Variants in CPZ observed in about 807,000 individuals in gnomAD.
CPZ encodes the protein carboxypeptidase Z.
CPZ carries 103 observed loss-of-function variants against 61.8 expected under a neutral mutation model. The ratio of observed to expected loss-of-function variants is 1.67; its 90% CI spans 1.42 to 1.96. The LOEUF is 1.96. Among genes scored for constraint, CPZ ranks in the 30% most tolerant of loss-of-function variants. CPZ has a pLI of 0.00. For missense variants in CPZ, 1,461 were observed against 914.9 expected, an observed-to-expected ratio of 1.60 and a Z score of -7.70; for synonymous variants, 551 against 373.7, an observed-to-expected ratio of 1.47 and a Z score of -5.47.
chr4:8,608,126 GCCCCAGCCTCCAGCCCCCAGC>G (rs1214943936), intron 7 of CPZ, among the ~76,000 whole-genome samples: 4 of 125,644 alleles, frequency 3.2e-5, no homozygotes, highest in Non-Finnish European at 5.0e-5. Context: ...TCTGAGGTGG[GCCCCAGCCTCCAGCCCCCAGC>G]CCCCAGCCCC....
At chr4:8,610,570 C>T (rs540027101) in intron 7 of CPZ, among the ~76,000 whole-genome samples, 36 of 152,276 alleles carry the variant, frequency 2.4e-4, no homozygotes, top group South Asian at 6.2e-4. Flanking sequence ...GTCAAGCTGA[C>T]GGATAAAGGC....
intron 7 of CPZ, 100 bp from the exon 8 acceptor site, chr4:8,611,927 T>C: frequency 4.6e-6 from 7 of 1,527,514 alleles, no homozygotes; most frequent in Non-Finnish European, 6.3e-6. Context: ...CTATCTGCAA[T>C]GCAGGTGTTT....
chr4:8,619,502 A>AGCCCG lies in CPZ; in HGVS notation c.1845_1849dup (p.Asp617GlyfsTer27), dbSNP rs1560307196. The stretch of plus-strand genomic sequence containing the variant: ...GCCAGCTCTTTGGGGGAGGCCACGG[A>AGCCCG]GCCCGACCCGCTCCGGGCGCGCAGG... On this transcript the variant is annotated frameshift_variant, in exon 11 of 11. Transcript: ENST00000360986. LOFTEE classifies it low-confidence loss of function (END_TRUNC). 2 of 1,604,396 alleles carry AGCCCG rather than the reference A, an allele frequency of 1.2e-6. No homozygotes were observed. The highest frequency in any genetic ancestry group is 1.7e-6 in the Non-Finnish European group (2 of 1,173,886).
chr4:8,608,423 T>G (rs1715239323), intron 7 of CPZ, among the ~76,000 whole-genome samples: 1 of 152,146 alleles, frequency 6.6e-6, no homozygotes, highest in Non-Finnish European at 1.5e-5. Context: ...TCGTTTGTTC[T>G]CCTTTCTGAG....
chr4:8,608,403 C>T (rs1017736628), intron 7 of CPZ, among the ~76,000 whole-genome samples: 3 of 152,192 alleles, frequency 2.0e-5, no homozygotes, highest in African/African-American at 2.4e-5. Flanking sequence ...CTCATAACAG[C>T]AGTCACACAT....
At chr4:8,610,093 T>C (rs766689488) in intron 7 of CPZ, among the ~76,000 whole-genome samples, 1 of 152,332 alleles carries the variant, frequency 6.6e-6, no homozygotes, top group African/African-American at 2.4e-5. Context: ...GCTGTGGGAA[T>C]GAGCATAGCC....
chr4:8,609,544 C>T (rs931008455), intron 7 of CPZ, among the ~76,000 whole-genome samples: 40 of 137,920 alleles, frequency 2.9e-4, no homozygotes, highest in Non-Finnish European at 4.9e-4. Flanking sequence ...GCCTCCACTT[C>T]TGGCCTGGCC....
Position 8,619,464 on chromosome 4 carries a change from C to A in CPZ, c.1806C>A (p.Asp602Glu), listed in dbSNP as rs1334745527. Reference protein sequence around the residue: ...IHGLRRTGPHDPLGGASSLGE... With the variant: ...IHGLRRTGPHEPLGGASSLGE... Reference sequence around the variant, plus strand: ...GGCTGCGGAGGACTGGGCCCCACGACCCACTGGGAGGTGCCAGCTCTTTGG... The same window carrying A: ...GGCTGCGGAGGACTGGGCCCCACGAACCACTGGGAGGTGCCAGCTCTTTGG... The change falls in exon 11 of 11, where the codon GAC becomes GAA. Residue 602 changes from aspartate to glutamate, a missense_variant. Physicochemically the swap from Asp to Glu is conservative, Grantham distance 45. Coordinates refer to ENST00000360986, the MANE Select transcript of CPZ (RefSeq NM_001014447.3). 5 of 1,611,526 alleles carry A rather than the reference C, an allele frequency of 3.1e-6. No homozygotes were observed. The highest frequency in any genetic ancestry group is 4.2e-6 in the Non-Finnish European group (5 of 1,178,474).
chr4:8,617,508 G>A lies in CPZ; in HGVS notation c.1504-921G>A, dbSNP rs62288590. On this transcript the variant is annotated intron_variant, in intron 9 of 10. Coordinates refer to ENST00000360986, the MANE Select transcript of CPZ (RefSeq NM_001014447.3). ...AAAATTATACAACAGTCGACATAAA[G>A]ATGAATATATAGGAAAACAGTCTCT... is the stretch of plus-strand genomic sequence containing the variant. Among the ~76,000 whole-genome samples the A allele has an allele frequency of 2.5e-3, 374 of 152,326 alleles. 4 individuals carry two copies. Among genetic ancestry groups the A allele is most frequent in the African/African-American group, 8.7e-3 (360 of 41,566 alleles).
chr4:8,602,797 G>A (rs3822200), intron 3 of CPZ: 20,709 of 152,450 alleles, frequency 0.14, 1,895 homozygotes, highest in Non-Finnish European at 0.2. Context: ...GCAAGCCCTG[G>A]GTTCCGGGCT....
chr4:8,612,118 G>A lies in CPZ; in HGVS notation c.1319G>A (p.Arg440Lys), dbSNP rs1182394393. 3 of 1,611,070 alleles carry A rather than the reference G, an allele frequency of 1.9e-6. No homozygotes were observed. The highest frequency in any genetic ancestry group is 1.1e-5 in the South Asian group (1 of 90,764). Reference sequence around the variant, plus strand: ...AGGTGTGGAGGCAATTTCCTGAAGAGGGGGAGCATCATCAACGGGGCGGAC... The same window carrying A: ...AGGTGTGGAGGCAATTTCCTGAAGAAGGGGAGCATCATCAACGGGGCGGAC... The part of the protein sequence containing the change: ...ENRCGGNFLK[R>K]GSIINGADWY... Residue 440 changes from arginine to lysine, a missense_variant, in exon 8 of 11, where the codon AGG becomes AAG. Arg to Lys is a conservative substitution (Grantham distance 26, BLOSUM62 2). Transcript: ENST00000360986.
chr4:8,611,129 C>A, intron 7 of CPZ: 1 of 428,212 alleles, frequency 2.3e-6, no homozygotes, highest in Non-Finnish European at 4.9e-6. Context: ...TGCCTGTCCA[C>A]CCTCTAGTGT....
rs148168005 is a variant in CPZ, at chr4:8,601,749, G to A, written c.496+252G>A. ...TAGCAGAAGTCTCCAGCCCCTTAGA[G>A]GCAGGCTGGGGTGGAAGGGTGCTGA... is the stretch of plus-strand genomic sequence containing the variant. On this transcript the variant is annotated intron_variant, in intron 3 of 10. Transcript: ENST00000360986. Among the ~76,000 whole-genome samples, 453 of 152,328 alleles carry A rather than the reference G, an allele frequency of 3.0e-3. 3 individuals are homozygous for A. In the South Asian group the frequency reaches 0.039, roughly 13 times the overall value.
At chr4:8,609,841 G>C (rs1004437638) in intron 7 of CPZ, among the ~76,000 whole-genome samples, 4 of 152,200 alleles carry the variant, frequency 2.6e-5, no homozygotes, top group East Asian at 1.9e-4. Flanking sequence ...TGGAAACCAG[G>C]GTCCCAGGAG....
chr4:8,606,992 A>T, intron 6 of CPZ, 94 bp downstream of exon 6: 5 of 1,413,324 alleles, frequency 3.5e-6, no homozygotes, highest in Non-Finnish European at 4.7e-6. Context: ...CCCTGGGGAC[A>T]GGAGAGCCTG....
intron 7 of CPZ, among the ~76,000 whole-genome samples, chr4:8,607,654 C>T (rs1715152473): frequency 1.3e-5 from 2 of 152,222 alleles, no homozygotes; most frequent in South Asian, 2.1e-4. Context: ...AGGCTGGCTG[C>T]ACTGTCTTTC....
At chr4:8,608,705 C>A (rs1715264626) in intron 7 of CPZ, among the ~76,000 whole-genome samples, 1 of 151,958 alleles carries the variant, frequency 6.6e-6, no homozygotes, top group Non-Finnish European at 1.5e-5. Context: ...CCAGCCTGGT[C>A]TGGGACTTCA....
intron 7 of CPZ, among the ~76,000 whole-genome samples, chr4:8,611,011 C>T (rs1003282133): frequency 1.4e-4 from 16 of 115,382 alleles, no homozygotes; most frequent in African/African-American, 5.3e-4. Flanking sequence ...CATTCACTCA[C>T]TCATTCACTC....
intron 8 of CPZ, 116 bp from the exon 9 acceptor site, chr4:8,614,243 T>C: frequency 7.1e-7 from 1 of 1,410,720 alleles, no homozygotes; most frequent in Non-Finnish European, 9.5e-7. Flanking sequence ...CCCGGCTGTC[T>C]CTGCGCGGCT....
Sources: gnomAD v4.1 joint callset for allele counts (sites outside exome capture counted in the v4.1 genomes callset) on GRCh38, gnomAD v4.1.1 for gene constraint, MANE v1.5 for transcripts, NCBI Gene and HGNC (gene_info 2026-07-23, HGNC 2026-07-21) for gene names.